Variants in CDH12 observed in about 807,000 individuals in gnomAD.
The protein encoded by CDH12 is cadherin 12, also known as cadherin-12.
A neutral mutation model predicts 74.1 loss-of-function variants in CDH12; 41 were observed. That is an observed-to-expected ratio of 0.55 (90% CI 0.43 to 0.72). The LOEUF (loss-of-function observed/expected upper bound fraction) is 0.72, where lower values mean the gene tolerates loss of function less well. Among genes scored for constraint, CDH12 ranks in the 30% least tolerant of loss-of-function variants. CDH12 has a pLI of 0.00. For missense variants in CDH12, 945 were observed against 977.2 expected (o/e 0.97, Z 0.44); for synonymous variants, 399 against 355.0 (o/e 1.12, Z -1.39).
chr5:22,708,073 C>A lies in CDH12; in HGVS notation c.-523+144985G>T, dbSNP rs564429047. On this transcript the variant is annotated intron_variant, in intron 1 of 14. Coordinates refer to ENST00000382254, the MANE Select transcript of CDH12 (RefSeq NM_004061.5). The stretch of plus-strand genomic sequence containing the variant: ...AATTTCTAGATATGCTAACACATAG[C>A]CCTCTTGTAAATAAACATATTAATA... 7.0e-4 allele frequency among the ~76,000 whole-genome samples: 107 copies of A among 152,200 alleles called. 1 individual carries two copies. The highest frequency in any genetic ancestry group is 2.6e-3 in the African/African-American group (106 of 41,532).
At chr5:22,140,596 T>G (rs1746733663) in intron 4 of CDH12, among the ~76,000 whole-genome samples, 1 of 152,176 alleles carries the variant, frequency 6.6e-6, no homozygotes, top group Admixed American at 6.6e-5. Flanking sequence ...CAGCAAATAT[T>G]GACACATTTC....
At chr5:22,031,836 T>A (rs1298122273) in intron 5 of CDH12, among the ~76,000 whole-genome samples, 2 of 152,076 alleles carry the variant, frequency 1.3e-5, no homozygotes, top group East Asian at 3.9e-4. Context: ...CCAACAGTAA[T>A]GTCAAAGATC....
At chr5:22,834,873 A>C (rs1296368758) in intron 1 of CDH12, among the ~76,000 whole-genome samples, 1 of 151,988 alleles carries the variant, frequency 6.6e-6, no homozygotes, top group African/African-American at 2.4e-5. Flanking sequence ...GGGGATAAAA[A>C]GGAAAGAAGA....
intron 1 of CDH12, among the ~76,000 whole-genome samples, chr5:22,530,127 A>G (rs138654606): frequency 1.2e-4 from 18 of 152,316 alleles, no homozygotes; most frequent in East Asian, 7.7e-4. Flanking sequence ...AATTTTAAGT[A>G]AAATTCAAAC....
chr5:22,714,509 G>T (rs191379786), intron 1 of CDH12, among the ~76,000 whole-genome samples: 2 of 152,108 alleles, frequency 1.3e-5, no homozygotes, highest in Admixed American at 1.3e-4. Flanking sequence ...TCTGATGGCA[G>T]GTCATGAGGA....
At chr5:22,321,288 T>G (rs1257130815) in intron 3 of CDH12, among the ~76,000 whole-genome samples, 4 of 149,766 alleles carry the variant, frequency 2.7e-5, no homozygotes, top group African/African-American at 9.9e-5. Context: ...ATGTGGCACA[T>G]ATACACCATG....
chr5:22,409,853 A>G (rs959802917), intron 2 of CDH12, among the ~76,000 whole-genome samples: 1 of 152,068 alleles, frequency 6.6e-6, no homozygotes, highest in African/African-American at 2.4e-5. Context: ...TGAGGCTGAG[A>G]GTGGTAGTTC....
chr5:22,432,606 G>T (rs1200372242), intron 2 of CDH12, among the ~76,000 whole-genome samples: 1 of 151,848 alleles, frequency 6.6e-6, no homozygotes, highest in Non-Finnish European at 1.5e-5. Context: ...AAGAAGTCGT[G>T]ATTGACAAGA....
chr5:22,157,015 T>G (rs1748062996), intron 4 of CDH12, among the ~76,000 whole-genome samples: 2 of 152,074 alleles, frequency 1.3e-5, no homozygotes, highest in Non-Finnish European at 2.9e-5. Flanking sequence ...TATTAACAGG[T>G]GAAAAATGAC....
intron 5 of CDH12, among the ~76,000 whole-genome samples, chr5:22,070,434 T>C (rs1245800822): frequency 6.6e-6 from 1 of 152,170 alleles, no homozygotes; most frequent in Non-Finnish European, 1.5e-5. Flanking sequence ...CTGTGTTCTT[T>C]GGATAAGACT....
chr5:22,717,689 A>G (rs1209267565), intron 1 of CDH12, among the ~76,000 whole-genome samples: 2 of 152,188 alleles, frequency 1.3e-5, no homozygotes, highest in African/African-American at 4.8e-5. Context: ...ATGAATACTT[A>G]GACTATGTAG....
chr5:21,838,800 T>C (rs1749680485), intron 8 of CDH12, among the ~76,000 whole-genome samples: 2 of 152,166 alleles, frequency 1.3e-5, no homozygotes, highest in African/African-American at 4.8e-5. Flanking sequence ...TTCTTTGCCA[T>C]TGAGCCATTG....
intron 5 of CDH12, among the ~76,000 whole-genome samples, chr5:21,978,483 T>C (rs1239907628): frequency 1.3e-5 from 2 of 152,148 alleles, no homozygotes. Context: ...TGTAAATATA[T>C]AACTGAAAGG....
intron 3 of CDH12, among the ~76,000 whole-genome samples, chr5:22,244,223 C>T (rs1374078169): frequency 6.6e-6 from 1 of 152,056 alleles, no homozygotes; most frequent in Non-Finnish European, 1.5e-5. Flanking sequence ...GGTGCAGTGG[C>T]TCACGCCTGT....
At chr5:21,779,368 T>A (rs1745782014) in intron 11 of CDH12, 1 of 152,110 alleles carries the variant, frequency 6.6e-6, no homozygotes, top group Admixed American at 6.6e-5. Context: ...GTCTGGCTAG[T>A]TATCTTTAAT....
chr5:21,814,775 TA>T (rs1006643674), intron 9 of CDH12, among the ~76,000 whole-genome samples: 1 of 151,064 alleles, frequency 6.6e-6, no homozygotes, highest in Non-Finnish European at 1.5e-5. Context: ...TAATTTAAAA[TA>T]TTTTTTATAT....
intron 4 of CDH12, among the ~76,000 whole-genome samples, chr5:22,130,742 A>T (rs1392055623): frequency 3.3e-5 from 5 of 152,052 alleles, no homozygotes; most frequent in Non-Finnish European, 7.4e-5. Context: ...TATCATATAC[A>T]ATAAAACATA....
At chr5:22,761,688 G>T (rs1466949087) in intron 1 of CDH12, among the ~76,000 whole-genome samples, 1 of 152,052 alleles carries the variant, frequency 6.6e-6, no homozygotes, top group East Asian at 1.9e-4. Context: ...TTGCTCATCT[G>T]GAAAAGCAAT....
intron 8 of CDH12, among the ~76,000 whole-genome samples, chr5:21,836,462 AACAC>A (rs60658949): frequency 0.021 from 3,069 of 143,492 alleles, 45 homozygotes; most frequent in Non-Finnish European, 0.029. Flanking sequence ...TAGAAAGGAA[AACAC>A]ACACACACAC....
Sources: allele counts gnomAD v4.1 joint callset (sites outside exome capture counted in the v4.1 genomes callset), GRCh38; gene constraint gnomAD v4.1.1; transcripts MANE v1.5; gene names NCBI Gene and HGNC (gene_info 2026-07-23, HGNC 2026-07-21).